DPP10: variants seen among roughly 807,000 people sequenced by gnomAD.
DPP10 encodes the protein dipeptidyl peptidase like 10, also known as inactive dipeptidyl peptidase 10.
In DPP10, 33 loss-of-function variants were observed where a neutral mutation model predicts 120.9. That is an observed-to-expected ratio of 0.27 (90% confidence interval 0.21 to 0.37). The LOEUF is 0.37. DPP10 is among the 10% of genes least tolerant of loss of function. The pLI is 1.00. For missense variants in DPP10, 816 were observed against 942.8 expected, an observed-to-expected ratio of 0.87 and a Z score of 1.76; for synonymous variants, 337 against 326.1, an observed-to-expected ratio of 1.03 and a Z score of -0.36.
chr2:114,968,993 A>G (rs900190482), intron 1 of DPP10, among the ~76,000 whole-genome samples: 2 of 152,206 alleles, frequency 1.3e-5, no homozygotes, highest in Middle Eastern at 3.2e-3. Flanking sequence ...TTCCGTTCAG[A>G]TTTGTTATGC....
intron 3 of DPP10, among the ~76,000 whole-genome samples, chr2:115,351,680 A>G (rs989135493): frequency 3.9e-5 from 6 of 152,058 alleles, no homozygotes; most frequent in African/African-American, 1.4e-4. Flanking sequence ...TTTCAGAGTT[A>G]TATATGACAA....
intron 15 of DPP10, 25 bp downstream of exon 15, chr2:115,777,859 T>C: frequency 1.2e-6 from 2 of 1,607,656 alleles, no homozygotes; most frequent in South Asian, 1.1e-5. Flanking sequence ...AGGATCTCCT[T>C]ACACAGATTG....
At chr2:115,753,728 A>G (rs761727919) in intron 11 of DPP10, among the ~76,000 whole-genome samples, 2 of 152,164 alleles carry the variant, frequency 1.3e-5, no homozygotes, top group Non-Finnish European at 2.9e-5. Context: ...CTGTACTGAA[A>G]TTAAGTAAAA....
chr2:115,274,414 G>C (rs889129169), intron 1 of DPP10, among the ~76,000 whole-genome samples: 2 of 151,996 alleles, frequency 1.3e-5, no homozygotes, highest in African/African-American at 2.4e-5. Context: ...TGCACTTTGA[G>C]ATCTGGTATT....
chr2:114,864,951 G>T (rs1690110269), intron 1 of DPP10, among the ~76,000 whole-genome samples: 1 of 152,148 alleles, frequency 6.6e-6, no homozygotes, highest in Non-Finnish European at 1.5e-5. Context: ...ATGAAAAAAA[G>T]GTTTCTGTCT....
chr2:115,003,969 G>A (rs1230690447), intron 1 of DPP10, among the ~76,000 whole-genome samples: 1 of 152,182 alleles, frequency 6.6e-6, no homozygotes, highest in African/African-American at 2.4e-5. Flanking sequence ...CTATACATAT[G>A]TAGTTATTAG....
intron 1 of DPP10, among the ~76,000 whole-genome samples, chr2:114,447,075 C>T (rs1261099548): frequency 7.0e-6 from 1 of 143,200 alleles, no homozygotes; most frequent in Non-Finnish European, 1.5e-5. Context: ...CAGCTCACTG[C>T]AACCTCCGCC....
intron 1 of DPP10, among the ~76,000 whole-genome samples, chr2:115,137,503 A>G (rs975775675): frequency 6.6e-6 from 1 of 152,222 alleles, no homozygotes; most frequent in African/African-American, 2.4e-5. Flanking sequence ...TGCGTGGTGC[A>G]CATCACTTTG....
At chr2:115,579,760 T>C (rs2081907377) in intron 5 of DPP10, 1 of 152,194 alleles carries the variant, frequency 6.6e-6, no homozygotes, top group African/African-American at 2.4e-5. Flanking sequence ...GCAAATTCTC[T>C]CTCTCTCAGT....
chr2:115,635,946 G>A (rs1294784708), intron 5 of DPP10, among the ~76,000 whole-genome samples: 3 of 152,092 alleles, frequency 2.0e-5, no homozygotes, highest in Non-Finnish European at 4.4e-5. Flanking sequence ...AAGCATCATT[G>A]CACATATTAC....
chr2:114,779,852 AGG>A (rs1406516170), intron 1 of DPP10, among the ~76,000 whole-genome samples: 1 of 152,172 alleles, frequency 6.6e-6, no homozygotes, highest in Admixed American at 6.5e-5. Context: ...AAAGGAGGGA[AGG>A]GGCTGAGCAC....
chr2:115,048,251 C>T (rs1344003761), intron 1 of DPP10, among the ~76,000 whole-genome samples: 1 of 151,958 alleles, frequency 6.6e-6, no homozygotes, highest in East Asian at 1.9e-4. Context: ...CTCCAGCATG[C>T]CTACCAGCGG....
rs143645693 is a variant in DPP10 at position 114,660,120 on chromosome 2, GA to G, written c.60+217284del. Among the ~76,000 whole-genome samples the G allele has an allele frequency of 3.6e-4, 55 of 152,316 alleles. 1 individual carries two copies. The East Asian group carries it at 6.8e-3, about 19-fold the overall frequency. ...ACAGGAAGGAAGCTGGTAGAGCACAGAAGAAGCTGGTATAGGAAGCTGGTAC... is the reference window on the plus strand; with the variant it reads ...ACAGGAAGGAAGCTGGTAGAGCACAGAGAAGCTGGTATAGGAAGCTGGTAC... On this transcript the variant is annotated intron_variant, in intron 1 of 25. Coordinates refer to ENST00000410059, the MANE Select transcript of DPP10 (RefSeq NM_020868.6).
At chr2:115,088,767 A>C (rs1410237332) in intron 1 of DPP10, among the ~76,000 whole-genome samples, 1 of 149,946 alleles carries the variant, frequency 6.7e-6, no homozygotes, top group East Asian at 1.9e-4. Context: ...AAAAAAAAAA[A>C]AACCAAAAAA....
At position 115,718,889 on chromosome 2, in the gene DPP10, T is replaced by A. The variant is rs181000494; in HGVS notation, c.577-8927T>A. On this transcript the variant is annotated intron_variant, in intron 7 of 25. Transcript: ENST00000410059. ...GGTAGAGAAGAAAATGGATATGCAA[T>A]GACTAGATAAAACCATCTTCTAGCA... 3.6e-3 allele frequency among the ~76,000 whole-genome samples: 553 copies of A among 152,192 alleles called. 6 individuals carry two copies. The highest frequency in any genetic ancestry group is 0.013 in the African/African-American group (530 of 41,544).
chr2:114,590,686 T>C (rs1186349287), intron 1 of DPP10, among the ~76,000 whole-genome samples: 3 of 152,214 alleles, frequency 2.0e-5, no homozygotes, highest in Non-Finnish European at 4.4e-5. Flanking sequence ...AGAGGCATAG[T>C]ACAGTACCTC....
At chr2:115,452,461 T>C (rs143758779) in intron 3 of DPP10, among the ~76,000 whole-genome samples, 524 of 151,920 alleles carry the variant, frequency 3.4e-3, no homozygotes, top group African/African-American at 0.012. Flanking sequence ...CACTTAGGAG[T>C]GTCCTTGTGA....
intron 1 of DPP10, among the ~76,000 whole-genome samples, chr2:115,297,543 G>A (rs1343214258): frequency 2.6e-5 from 4 of 152,012 alleles, no homozygotes; most frequent in Non-Finnish European, 5.9e-5. Flanking sequence ...TTCTGGGTTT[G>A]TTATATTCAT....
At chr2:115,029,922 A>G (rs1032351584) in intron 1 of DPP10, among the ~76,000 whole-genome samples, 2 of 152,114 alleles carry the variant, frequency 1.3e-5, no homozygotes, top group Non-Finnish European at 1.5e-5. Context: ...TCTTTCCTTA[A>G]CTCAGGTAGT....
Sources: allele counts gnomAD v4.1 joint callset (sites outside exome capture counted in the v4.1 genomes callset), GRCh38; gene constraint gnomAD v4.1.1; transcripts MANE v1.5; gene names NCBI Gene and HGNC (gene_info 2026-07-23, HGNC 2026-07-21).